The following AUTS2 variants were observed in gnomAD, a reference collection of about 807,000 sequenced individuals.
AUTS2 encodes activator of transcription and developmental regulator AUTS2.
AUTS2 carries 17 observed loss-of-function variants against 112.4 expected under a neutral mutation model. The ratio of observed to expected loss-of-function variants is 0.15; its 90% CI spans 0.10 to 0.23. The LOEUF is 0.23. Ranked by LOEUF, AUTS2 falls within the 10% of genes least tolerant of loss-of-function variation. The pLI is 1.00. For synonymous variants in AUTS2, 751 were observed against 702.7 expected (o/e 1.07, Z -1.09); for missense variants, 1,510 against 1,701.6 (o/e 0.89, Z 1.98).
chr7:69,911,829 T>G (rs1795371892), intron 2 of AUTS2, among the ~76,000 whole-genome samples: 1 of 152,078 alleles, frequency 6.6e-6, no homozygotes. Flanking sequence ...ATCAATGAAG[T>G]CTTCACTCTG....
intron 1 of AUTS2, among the ~76,000 whole-genome samples, chr7:69,792,601 T>A (rs1312973935): frequency 6.6e-6 from 1 of 152,162 alleles, no homozygotes; most frequent in East Asian, 1.9e-4. Flanking sequence ...AGAGGTATAC[T>A]TTCTCTGTGC....
intron 4 of AUTS2, among the ~76,000 whole-genome samples, chr7:70,158,954 G>T (rs750197097): frequency 6.6e-6 from 1 of 152,038 alleles, no homozygotes; most frequent in Non-Finnish European, 1.5e-5. Flanking sequence ...TATTAGTGAA[G>T]GCATGTTACA....
rs373583729 is a variant in AUTS2, at chr7:70,603,090, A to G, written c.691-95479A>G. Among the ~76,000 whole-genome samples, 23 of 152,314 alleles carry G rather than the reference A, an allele frequency of 1.5e-4. No individual in the cohort carries two copies. The South Asian group carries it at 4.6e-3, about 30-fold the overall frequency. On this transcript the variant is annotated intron_variant, in intron 5 of 18. Transcript: ENST00000342771. Reference sequence around the variant, plus strand: ...TTATATCTACGTAGAAGATTTCTGCATACTTCTCTTTTTTGTTTGTTTTGT... The same window carrying G: ...TTATATCTACGTAGAAGATTTCTGCGTACTTCTCTTTTTTGTTTGTTTTGT...
At chr7:69,957,519 G>A (rs527883291) in intron 2 of AUTS2, among the ~76,000 whole-genome samples, 1 of 152,008 alleles carries the variant, frequency 6.6e-6, no homozygotes, top group South Asian at 2.1e-4. Flanking sequence ...CATTCCTTAT[G>A]TTTATTTGTA....
chr7:70,729,282 C>T, intron 6 of AUTS2: 1 of 433,698 alleles, frequency 2.3e-6, no homozygotes, highest in Non-Finnish European at 4.7e-6. Flanking sequence ...CTGCCTCTCT[C>T]CACTTCCCAG....
At chr7:70,754,240 C>T (rs1191198451) in intron 6 of AUTS2, among the ~76,000 whole-genome samples, 2 of 152,068 alleles carry the variant, frequency 1.3e-5, no homozygotes, top group South Asian at 2.1e-4. Flanking sequence ...CCTATAATCC[C>T]AGCACTTTGA....
chr7:70,073,554 G>A (rs975121786), intron 2 of AUTS2, among the ~76,000 whole-genome samples: 2 of 151,620 alleles, frequency 1.3e-5, no homozygotes, highest in African/African-American at 4.8e-5. Flanking sequence ...CTTGAGTAGT[G>A]GACATGGCCT....
chr7:70,524,864 A>T (rs1319570429), intron 5 of AUTS2, among the ~76,000 whole-genome samples: 2 of 152,242 alleles, frequency 1.3e-5, no homozygotes, highest in Non-Finnish European at 2.9e-5. Flanking sequence ...TTTATAGCCC[A>T]GTGCAGACGC....
chr7:69,676,228 G>A (rs1418038665), intron 1 of AUTS2, among the ~76,000 whole-genome samples: 1 of 152,176 alleles, frequency 6.6e-6, no homozygotes, highest in Non-Finnish European at 1.5e-5. Context: ...AAGCATTTGG[G>A]GATTCAAAGG....
chr7:70,261,146 C>CA (rs1365871738), intron 4 of AUTS2, among the ~76,000 whole-genome samples: 2 of 152,012 alleles, frequency 1.3e-5, no homozygotes, highest in African/African-American at 2.4e-5. Context: ...TTTCTAAGCA[C>CA]AAAAAAGAAT....
intron 4 of AUTS2, among the ~76,000 whole-genome samples, chr7:70,294,659 TCACAG>T (rs1406922275): frequency 1.3e-5 from 2 of 152,210 alleles, no homozygotes; most frequent in Non-Finnish European, 2.9e-5. Flanking sequence ...CACCATTCGG[TCACAG>T]GCTGGTTTGG....
intron 2 of AUTS2, among the ~76,000 whole-genome samples, chr7:70,091,020 T>A (rs906450382): frequency 1.3e-5 from 2 of 152,186 alleles, no homozygotes; most frequent in African/African-American, 2.4e-5. Flanking sequence ...GATTAATTCT[T>A]TCAGCTTTTG....
chr7:69,814,019 T>C (rs573101794), intron 1 of AUTS2, among the ~76,000 whole-genome samples: 40 of 152,346 alleles, frequency 2.6e-4, no homozygotes, highest in African/African-American at 9.6e-4. Context: ...ACTTTGGGCC[T>C]TGCCAGCAAG....
At chr7:70,698,945 C>A (rs1229165303) in intron 6 of AUTS2, 2 of 208,356 alleles carry the variant, frequency 9.6e-6, no homozygotes, top group East Asian at 2.2e-4. Flanking sequence ...TATCAACTAC[C>A]CAGCAATAGG....
chr7:70,052,054 A>G (rs1489573249), intron 2 of AUTS2, among the ~76,000 whole-genome samples: 2 of 152,196 alleles, frequency 1.3e-5, no homozygotes, highest in Admixed American at 1.3e-4. Flanking sequence ...ACAACAAGCA[A>G]TCAATTTAGA....
rs565129038 is a variant in AUTS2, at chr7:70,147,141, G to A, written c.660+12570G>A. On this transcript the variant is annotated intron_variant, in intron 4 of 18. Transcript: ENST00000342771. ...GGAGGCTGAGTTGGGAAGATCATTT[G>A]AGCCCAGGAGATCAGTGTTGGAGTG... is the stretch of plus-strand genomic sequence containing the variant. Among the ~76,000 whole-genome samples, 35 of 151,848 alleles carry A rather than the reference G, an allele frequency of 2.3e-4. No homozygotes were observed. In the East Asian group the frequency reaches 6.0e-3, roughly 26 times the overall value.
At chr7:70,208,309 G>C (rs1810681664) in intron 4 of AUTS2, among the ~76,000 whole-genome samples, 1 of 152,186 alleles carries the variant, frequency 6.6e-6, no homozygotes, top group African/African-American at 2.4e-5. Context: ...GAAGGAGCAA[G>C]TTAGGAAATG....
intron 5 of AUTS2, among the ~76,000 whole-genome samples, chr7:70,496,554 A>G (rs1159128843): frequency 7.7e-6 from 1 of 129,570 alleles, no homozygotes; most frequent in African/African-American, 3.0e-5. Context: ...ACAGTCAGAC[A>G]CACACACACA....
chr7:70,663,972 A>G (rs932456144), intron 5 of AUTS2, among the ~76,000 whole-genome samples: 14 of 152,202 alleles, frequency 9.2e-5, no homozygotes, highest in African/African-American at 3.4e-4. Flanking sequence ...AATTGAACTC[A>G]AATACCCAGG....
Sources: gnomAD v4.1 joint callset for allele counts (sites outside exome capture counted in the v4.1 genomes callset) on GRCh38, gnomAD v4.1.1 for gene constraint, MANE v1.5 for transcripts, NCBI Gene and HGNC (gene_info 2026-07-23, HGNC 2026-07-21) for gene names.